MYO7B: variants seen among roughly 807,000 people sequenced by gnomAD.
The protein encoded by MYO7B is myosin VIIB, also known as unconventional myosin-VIIb.
Under a neutral mutation model 259.7 loss-of-function variants are expected in MYO7B, and 212 were observed. That is an observed-to-expected ratio of 0.82 (90% CI 0.73 to 0.91). The LOEUF (loss-of-function observed/expected upper bound fraction) is 0.91, where lower values mean the gene tolerates loss of function less well. Among genes scored for constraint, MYO7B ranks in the 40% least tolerant of loss-of-function variants. The pLI, the probability that MYO7B is intolerant of heterozygous loss-of-function variation, is 0.00. For synonymous variants in MYO7B, 1,197 were observed against 1,166.4 expected (o/e 1.03, Z -0.54); for missense variants, 2,732 against 2,813.5 (o/e 0.97, Z 0.66).
rs1679824767 is a variant in MYO7B, at chr2:127,597,662, TCTCA to T, written c.2339+1111_2339+1114del. ...ATTTATTTATTTATTTGAAACAAAG[TCTCA>T]CTCAGTCAACCAGGCTGGAGTACAG... On this transcript the variant is annotated intron_variant, in intron 19 of 47. Coordinates refer to ENST00000409816, the MANE Select transcript of MYO7B (RefSeq NM_001393586.1). This position sits in a 1 kb window ranked among gnomAD's most constrained non-coding sequence, Gnocchi z 4.8. Among the ~76,000 whole-genome samples, 1 of 150,032 alleles carries T rather than the reference TCTCA, an allele frequency of 6.7e-6. No homozygotes were observed. The highest frequency in any genetic ancestry group is 3.4e-3 in the Middle Eastern group (1 of 292).
rs1680456282 is a variant in MYO7B at position 127,613,272 on chromosome 2, T to C, written c.3398+669T>C. ...GGGGTCTGCTTATCTTTTCTTTCTTTTTTCTCTGTGTTCTTTAGATTGGAT... is the reference window on the plus strand; with the variant it reads ...GGGGTCTGCTTATCTTTTCTTTCTTCTTTCTCTGTGTTCTTTAGATTGGAT... On this transcript the variant is annotated intron_variant, in intron 26 of 47. Coordinates refer to ENST00000409816, the MANE Select transcript of MYO7B (RefSeq NM_001393586.1). This position sits in a 1 kb window ranked among gnomAD's most constrained non-coding sequence, Gnocchi z 4.3. 6.6e-6 allele frequency among the ~76,000 whole-genome samples: 1 copy of C among 152,240 alleles called. No homozygotes were observed. The highest frequency in any genetic ancestry group is 6.5e-5 in the Admixed American group (1 of 15,284).
At chr2:127,562,282 T>C (rs1445444459) in intron 2 of MYO7B, among the ~76,000 whole-genome samples, 1 of 152,072 alleles carries the variant, frequency 6.6e-6, no homozygotes, top group Non-Finnish European at 1.5e-5. Context: ...TCTTCCTAAT[T>C]CTAATTTTAT....
At chr2:127,573,830 C>A in intron 6 of MYO7B, 90 bp from the exon 7 acceptor site, 1 of 1,524,676 alleles carries the variant, frequency 6.6e-7, no homozygotes, top group Non-Finnish European at 8.9e-7. Flanking sequence ...GGCTTGGCCA[C>A]CTCCTCTGAG....
chr2:127,636,292 CCCA>C lies in MYO7B; in HGVS notation c.6094_6096del (p.Thr2032del), dbSNP rs1558857855. 6.2e-7 allele frequency: 1 copy of C among 1,613,484 alleles called. No homozygotes were observed. Among genetic ancestry groups the C allele is most frequent in the East Asian group, 2.2e-5 (1 of 44,874 alleles). The stretch of plus-strand genomic sequence containing the variant: ...CTTCCTGAAGTGGATCTGCCGGTGG[CCCA>C]CCTTCGGATCCGCCTTCTTCGAGGT... On this transcript the variant is annotated inframe_deletion, in exon 45 of 48. Coordinates refer to ENST00000409816, the MANE Select transcript of MYO7B (RefSeq NM_001393586.1). This position sits in a 1 kb window ranked among gnomAD's most constrained non-coding sequence, Gnocchi z 4.5.
At chr2:127,618,262 G>A (rs955917621) in intron 26 of MYO7B, among the ~76,000 whole-genome samples, 1 of 152,160 alleles carries the variant, frequency 6.6e-6, no homozygotes, top group African/African-American at 2.4e-5. Flanking sequence ...GAACGAAGGG[G>A]GATGAACGTA....
Position 127,629,853 on chromosome 2 carries a change from G to A in MYO7B, c.4806+27G>A, listed in dbSNP as rs1681370415. 6.5e-6 allele frequency: 10 copies of A among 1,526,874 alleles called. No individual in the cohort carries two copies. The Admixed American group carries it at 1.6e-4, about 25-fold the overall frequency. The allele number at this position is 1,526,874 out of a possible 1,614,324, so 94.6% of individuals were successfully genotyped here. ...TAACTGGCACGCTCCCCTGTCCTCA[G>A]CCTGGGTACCCGAGGTCAGGGTGGA... On this transcript the variant is annotated intron_variant, in intron 35 of 47. Coordinates refer to ENST00000409816, the MANE Select transcript of MYO7B (RefSeq NM_001393586.1).
At position 127,633,323 on chromosome 2, in the gene MYO7B, G is replaced by A. The variant is rs371615295; in HGVS notation, c.5471G>A (p.Arg1824His). 41 of 1,612,716 alleles carry A rather than the reference G, an allele frequency of 2.5e-5. No homozygotes were observed. The highest frequency in any genetic ancestry group is 2.0e-4 in the African/African-American group (15 of 74,920). Residue 1824 changes from arginine to histidine, a missense_variant, in exon 40 of 48, where the codon CGC becomes CAC. Coordinates refer to ENST00000409816, the MANE Select transcript of MYO7B (RefSeq NM_001393586.1). ...GAGGCCGCAGAGCAGAACGTCTCCC[G>A]CATCTGCCACAAGATCTACTTCCCC... ...EVEAAEQNVS[R>H]ICHKIYFPND...
At chr2:127,564,636 C>T (rs986103321) in intron 3 of MYO7B, among the ~76,000 whole-genome samples, 6 of 152,104 alleles carry the variant, frequency 3.9e-5, no homozygotes, top group Admixed American at 3.3e-4. Context: ...GTGACCAGCT[C>T]GTCCACCAGA....
rs376482453 is a variant in MYO7B at position 127,609,934 on chromosome 2, G to A, written c.3110G>A (p.Gly1037Asp). 16 of 1,608,856 alleles carry A rather than the reference G, an allele frequency of 9.9e-6. No individual in the cohort carries two copies. The highest frequency in any genetic ancestry group is 1.4e-5 in the Non-Finnish European group (16 of 1,177,498). ...PVLYARSSQQ[G>D]SSVMRQIHDT... ...CTGTATGCCAGGAGCAGCCAGCAGG[G>A]CAGCTCAGTGATGCGGCAGATCCAT... is the stretch of plus-strand genomic sequence containing the variant. The change falls in exon 24 of 48, where the codon GGC (glycine) becomes GAC (aspartate). Residue 1037 changes from glycine (G) to aspartate (D), a missense_variant. Around this residue, in one of 3 missense-constraint regions of MYO7B, gnomAD observed 1,906 missense variants for 2,026.4 expected, o/e 0.94. Coordinates refer to ENST00000409816, the MANE Select transcript of MYO7B (RefSeq NM_001393586.1). The surrounding 1 kb of genome is among the most constrained non-coding windows in gnomAD (Gnocchi z 6.9).
intron 21 of MYO7B, among the ~76,000 whole-genome samples, chr2:127,608,205 C>T (rs1680232054): frequency 6.6e-6 from 1 of 152,208 alleles, no homozygotes; most frequent in Admixed American, 6.5e-5. Flanking sequence ...ACTGCTAATA[C>T]AGTGAACAGG....
At chr2:127,633,950 G>A (rs1004647815) in intron 40 of MYO7B, among the ~76,000 whole-genome samples, 2 of 152,208 alleles carry the variant, frequency 1.3e-5, no homozygotes, top group South Asian at 4.1e-4. Flanking sequence ...GGCTCTCAAG[G>A]CGAGTCAAAA....
chr2:127,633,142 TG>T, intron 39 of MYO7B, 115 bp from the exon 40 acceptor site: 1 of 772,510 alleles, frequency 1.3e-6, no homozygotes, highest in Non-Finnish European at 2.1e-6. Context: ...ACCCCAGTGA[TG>T]GTCACTGGGG....
At chr2:127,589,534 G>T (rs1679460532) in intron 15 of MYO7B, among the ~76,000 whole-genome samples, 1 of 150,984 alleles carries the variant, frequency 6.6e-6, no homozygotes, top group South Asian at 2.1e-4. Context: ...TGGCCTTAGT[G>T]GGGCCATGGG....
Position 127,632,478 on chromosome 2 carries a change from T to C in MYO7B, c.5405+77T>C, listed in dbSNP as rs533679613. The stretch of plus-strand genomic sequence containing the variant: ...GGATGCTGTGGGGCCTGGCCAGCCT[T>C]CCAGGAGCTCATGGTCCTGGGAGGA... On this transcript the variant is annotated intron_variant, in intron 39 of 47. Coordinates refer to ENST00000409816, the MANE Select transcript of MYO7B (RefSeq NM_001393586.1). 4.8e-5 allele frequency: 71 copies of C among 1,471,810 alleles called. 2 individuals carry two copies. In the South Asian group the frequency reaches 9.4e-4, roughly 20 times the overall value. The allele number at this position is 1,471,810 out of a possible 1,614,324, so 91.2% of individuals were successfully genotyped here. A position where few individuals can be genotyped will look rare whatever the true frequency, so the allele number is the denominator to read the frequency against.
At position 127,628,413 on chromosome 2, in the gene MYO7B, A is replaced by G. The variant is rs1573718150; in HGVS notation, c.4502A>G (p.His1501Arg). ...CAGAGGCTGCTGCTCTCCACGATGC[A>G]TGAGGAGTACGAGTTTGTGTCACCC... ...GGQRLLLSTM[H>R]EEYEFVSPSS... is the part of the protein sequence containing the mutation. The change falls in exon 34 of 48, where the codon CAT becomes CGT. Residue 1501 changes from histidine to arginine, a missense_variant. By Grantham distance (29) the His-to-Arg change is conservative (BLOSUM62 0). Coordinates refer to ENST00000409816, the MANE Select transcript of MYO7B (RefSeq NM_001393586.1). The surrounding 1 kb of genome is among the most constrained non-coding windows in gnomAD (Gnocchi z 4.8). The G allele has an allele frequency of 7.5e-6, 12 of 1,600,860 alleles. No individual in the cohort carries two copies. The East Asian group carries it at 2.7e-4, about 36-fold the overall frequency.
chr2:127,622,128 G>C (rs1680869061), intron 28 of MYO7B, 27 bp downstream of exon 28: 1 of 1,542,054 alleles, frequency 6.5e-7, no homozygotes, highest in African/African-American at 1.4e-5. Flanking sequence ...GTGAGAGCGG[G>C]CAGGGTGGGG....
chr2:127,565,472 G>T (rs1177787969), intron 4 of MYO7B, 87 bp downstream of exon 4: 1 of 1,534,902 alleles, frequency 6.5e-7, no homozygotes, highest in Admixed American at 1.8e-5. Flanking sequence ...TGCACAGGGG[G>T]CACTGCCCCC....
In MYO7B at chr2:127,576,639, G is replaced by A. The variant is rs372906816; in HGVS notation, c.780G>A (p.Met260Ile). 1.3e-5 allele frequency: 21 copies of A among 1,611,376 alleles called. No homozygotes were observed. The highest frequency in any genetic ancestry group is 4.0e-5 in the African/African-American group (3 of 74,856). ...RNYHIFYCMLMGVSAEDKQLL... is the reference protein window; with the variant it reads ...RNYHIFYCMLIGVSAEDKQLL... ...ACCATATCTTCTACTGCATGCTCAT[G>A]GGGGTGAGTGCTGAGGACAAGCAGC... Residue 260 changes from methionine to isoleucine, a missense_variant, in exon 8 of 48, where the codon ATG becomes ATA. By Grantham distance (10) the Met-to-Ile change is conservative. Transcript: ENST00000409816. This position sits in a 1 kb window ranked among gnomAD's most constrained non-coding sequence, Gnocchi z 4.9.
intron 4 of MYO7B, 101 bp downstream of exon 4, chr2:127,565,486 G>T: frequency 6.8e-7 from 1 of 1,472,090 alleles, no homozygotes. Context: ...TGCCCCCCAT[G>T]CCCTCACTGA....
Sources: gnomAD v4.1 joint callset for allele counts (sites outside exome capture counted in the v4.1 genomes callset) on GRCh38, gnomAD v4.1.1 for gene constraint, gnomAD v4.1.1 regional missense constraint, Gnocchi (gnomAD v3.1) non-coding constraint, MANE v1.5 for transcripts, NCBI Gene and HGNC (gene_info 2026-07-23, HGNC 2026-07-21) for gene names.